The following MAST4 variants were observed in gnomAD, a reference collection of about 807,000 sequenced individuals.
The protein encoded by MAST4 is microtubule-associated serine/threonine-protein kinase 4.
In MAST4, 89 loss-of-function variants were observed where a neutral mutation model predicts 162.7. That is an observed-to-expected ratio of 0.55 (90% CI 0.46 to 0.65). The LOEUF is 0.65. Among genes scored for constraint, MAST4 ranks in the 30% least tolerant of loss-of-function variants. The pLI is 0.00. For missense variants in MAST4, 3,153 were observed against 3,374.0 expected, an observed-to-expected ratio of 0.93 and a Z score of 1.62; for synonymous variants, 1,479 against 1,361.1, an observed-to-expected ratio of 1.09 and a Z score of -1.91.
At chr5:66,739,473 A>G (rs1211060089) in intron 1 of MAST4, among the ~76,000 whole-genome samples, 2 of 152,182 alleles carry the variant, frequency 1.3e-5, no homozygotes, top group African/African-American at 4.8e-5. Flanking sequence ...CCTTGCTCCA[A>G]GGAGTTTTTA....
At chr5:66,693,874 T>G (rs924042134) in intron 1 of MAST4, among the ~76,000 whole-genome samples, 6 of 152,212 alleles carry the variant, frequency 3.9e-5, no homozygotes, top group Admixed American at 2.6e-4. Context: ...TTACCCAAAG[T>G]TGTAGTGATC....
chr5:67,076,116 A>G (rs1761616331), intron 5 of MAST4, among the ~76,000 whole-genome samples: 1 of 152,174 alleles, frequency 6.6e-6, no homozygotes, highest in Non-Finnish European at 1.5e-5. Context: ...AAAATTGAGC[A>G]TGAGCACCCT....
chr5:66,938,656 G>T (rs1308514009), intron 4 of MAST4, among the ~76,000 whole-genome samples: 5 of 152,162 alleles, frequency 3.3e-5, no homozygotes, highest in African/African-American at 1.2e-4. Context: ...AGCCATGACT[G>T]CACTAAGGTG....
At chr5:66,664,597 A>G (rs2149465016) in intron 1 of MAST4, among the ~76,000 whole-genome samples, 1 of 150,852 alleles carries the variant, frequency 6.6e-6, no homozygotes, top group East Asian at 1.9e-4. Context: ...GTACTTTGGG[A>G]ATTATTAGCA....
chr5:66,689,448 CTG>C (rs1748897890), intron 1 of MAST4, among the ~76,000 whole-genome samples: 1 of 152,188 alleles, frequency 6.6e-6, no homozygotes, highest in South Asian at 2.1e-4. Flanking sequence ...CCATTCCTGT[CTG>C]TTGTTGACTT....
chr5:67,161,766 C>T (rs1367046176), intron 27 of MAST4, among the ~76,000 whole-genome samples: 1 of 152,226 alleles, frequency 6.6e-6, no homozygotes, highest in South Asian at 2.1e-4. Context: ...ATTACACACA[C>T]ATAAGATCTT....
intron 4 of MAST4, chr5:66,930,612 A>C (rs1197113126): frequency 4.7e-6 from 2 of 421,172 alleles, no homozygotes; most frequent in Non-Finnish European, 9.7e-6. Context: ...GAAGTTTAAA[A>C]TTTTTTATGT....
chr5:66,946,480 C>A (rs1744041049), intron 4 of MAST4, among the ~76,000 whole-genome samples: 1 of 152,126 alleles, frequency 6.6e-6, no homozygotes, highest in South Asian at 2.1e-4. Context: ...TTTTGATCTT[C>A]ATTTCAGGTT....
intron 4 of MAST4, chr5:66,916,853 C>T (rs1363587888): frequency 1.7e-6 from 1 of 598,516 alleles, no homozygotes; most frequent in African/African-American, 1.8e-5. Context: ...TTTTATTTAA[C>T]CATTTTCCTA....
chr5:66,713,679 A>G (rs890474232), intron 1 of MAST4, among the ~76,000 whole-genome samples: 3 of 152,178 alleles, frequency 2.0e-5, no homozygotes, highest in African/African-American at 7.2e-5. Flanking sequence ...GTTTCGTAAT[A>G]TGCCCTCTTG....
intron 5 of MAST4, among the ~76,000 whole-genome samples, chr5:67,083,916 T>G (rs1432183774): frequency 6.6e-6 from 1 of 152,190 alleles, no homozygotes; most frequent in Non-Finnish European, 1.5e-5. Flanking sequence ...TCATCACTCT[T>G]GACATTCACC....
chr5:67,150,412 G>A (rs550200239), intron 24 of MAST4, among the ~76,000 whole-genome samples: 91 of 152,326 alleles, frequency 6.0e-4, no homozygotes, highest in African/African-American at 2.1e-3. Context: ...TATTTGTGCA[G>A]AAAGCAATTT....
chr5:66,899,894 C>T, intron 3 of MAST4, 57 bp from the exon 4 acceptor site: 1 of 1,349,786 alleles, frequency 7.4e-7, no homozygotes, highest in Non-Finnish European at 1.0e-6. Flanking sequence ...ATTTGGTATC[C>T]TAGTAATCTA....
chr5:67,167,072 G>C lies in MAST4; in HGVS notation c.*21G>C. Reference sequence around the variant, plus strand: ...TGTAACGGGGAGGGCCCAGGGGCAGGACTGTGGAGACCCGTCCTGAACGGG... The same window carrying C: ...TGTAACGGGGAGGGCCCAGGGGCAGCACTGTGGAGACCCGTCCTGAACGGG... On this transcript the variant is annotated 3_prime_UTR_variant, in exon 29 of 29. Transcript: ENST00000403625. The C allele has an allele frequency of 6.5e-7, 1 of 1,548,624 alleles. No homozygotes were observed. The highest frequency in any genetic ancestry group is 8.7e-7 in the Non-Finnish European group (1 of 1,147,342).
chr5:66,689,785 A>G (rs146675663), intron 1 of MAST4, among the ~76,000 whole-genome samples: 3 of 152,326 alleles, frequency 2.0e-5, no homozygotes, highest in African/African-American at 7.2e-5. Context: ...ATTAAAACGT[A>G]CAGTGCCTGG....
intron 4 of MAST4, 113 bp downstream of exon 4, chr5:66,900,095 G>T (rs576677890): frequency 1.4e-6 from 1 of 729,992 alleles, no homozygotes; most frequent in Non-Finnish European, 2.0e-6. Flanking sequence ...ATCAACTGAA[G>T]AAAACAAAAA....
intron 1 of MAST4, among the ~76,000 whole-genome samples, chr5:66,631,257 GT>G (rs756862292): frequency 1.3e-5 from 2 of 152,132 alleles, no homozygotes; most frequent in African/African-American, 2.4e-5. Flanking sequence ...CTTTTTGTTT[GT>G]TGTCTTCTGG....
At chr5:66,761,690 A>G (rs1427647889) in intron 2 of MAST4, among the ~76,000 whole-genome samples, 5 of 152,158 alleles carry the variant, frequency 3.3e-5, no homozygotes, top group Non-Finnish European at 5.9e-5. Flanking sequence ...CTGCTGGAAC[A>G]AAAGGCCAAA....
chr5:66,707,820 G>C lies in MAST4; in HGVS notation c.364-51889G>C, dbSNP rs1185029269. Among the ~76,000 whole-genome samples, 3 of 152,242 alleles carry C rather than the reference G, an allele frequency of 2.0e-5. No homozygotes were observed. The East Asian group carries it at 5.8e-4, about 29-fold the overall frequency. On this transcript the variant is annotated intron_variant, in intron 1 of 28. Transcript: ENST00000403625. ...TAGCTCATAGACTGATGGAAACCAA[G>C]GGCAGGGGTGTGTGCTGTGGTAATG...
Sources: allele counts gnomAD v4.1 joint callset (sites outside exome capture counted in the v4.1 genomes callset), GRCh38; gene constraint gnomAD v4.1.1; transcripts MANE v1.5; gene names NCBI Gene and HGNC (gene_info 2026-07-23, HGNC 2026-07-21).